CNNM3: variants seen among roughly 807,000 people sequenced by gnomAD.
CNNM3 encodes the protein metal transporter CNNM3.
Under a neutral mutation model 57.1 loss-of-function variants are expected in CNNM3, and 47 were observed. The ratio of observed to expected loss-of-function variants is 0.82; its 90% CI spans 0.65 to 1.05. CNNM3 has a LOEUF of 1.05. Among genes scored for constraint, CNNM3 ranks in the 50% least tolerant of loss-of-function variants. The pLI is 0.00. For synonymous variants in CNNM3, 507 were observed against 478.2 expected (o/e 1.06, Z -0.79); for missense variants, 957 against 973.7 (o/e 0.98, Z 0.23).
At position 96,819,322 on chromosome 2, in the gene CNNM3, A is replaced by AC. The variant is rs1182011518; in HGVS notation, c.1225+1820_1225+1821insC. On this transcript the variant is annotated intron_variant, in intron 1 of 7. Transcript: ENST00000305510. ...CCCTGGAATCAGCGGAGTAGGTTCC[A>AC]TCCTGCCCTTGCCTGCCCCCAGGCC... Among the ~76,000 whole-genome samples the AC allele has an allele frequency of 3.9e-5, 6 of 152,208 alleles. 1 individual carries two copies. The highest frequency in any genetic ancestry group is 7.3e-5 in the Non-Finnish European group (5 of 68,032).
In CNNM3 at chr2:96,817,233, C is replaced by T. The variant is rs1397202299; in HGVS notation, c.956C>T (p.Thr319Met). 8 of 1,605,330 alleles carry T rather than the reference C, an allele frequency of 5.0e-6. No individual in the cohort carries two copies. The highest frequency in any genetic ancestry group is 2.2e-5 in the East Asian group (1 of 44,752). Residue 319 changes from threonine to methionine, a missense_variant, in exon 1 of 8, where the codon ACG becomes ATG. By Grantham distance (81) the Thr-to-Met change is moderately conservative. Around this residue, in one of 2 missense-constraint regions of CNNM3, gnomAD observed 491 missense variants for 570.6 expected, o/e 0.86. Coordinates refer to ENST00000305510, the MANE Select transcript of CNNM3 (RefSeq NM_017623.5). The part of the protein sequence containing the change: ...LRCRTVEDVL[T>M]PLEDCFMLDA... ...TGCCGGACCGTGGAGGACGTGCTCACGCCCCTCGAAGACTGCTTCATGCTG... is the reference window on the plus strand; with the variant it reads ...TGCCGGACCGTGGAGGACGTGCTCATGCCCCTCGAAGACTGCTTCATGCTG...
At chr2:96,836,308 T>A (rs373124834), downstream of CNNM3, among the ~76,000 whole-genome samples, 9 of 150,768 alleles carry the variant, frequency 6.0e-5, no homozygotes, top group East Asian at 1.8e-3. Flanking sequence ...AATGGCGTGG[T>A]CTCGGCTCAC....
Position 96,835,216 on chromosome 2 carries a change from C to CT in CNNM3, c.*2601dup, listed in dbSNP as rs937665102. On this transcript the variant is annotated 3_prime_UTR_variant, in exon 8 of 8. Coordinates refer to ENST00000305510, the MANE Select transcript of CNNM3 (RefSeq NM_017623.5). ...AAGCATTCGGGATTGTCTTTTTTCA[C>CT]TCGGCGTCATTCTCGGGAGATCATC... Among the ~76,000 whole-genome samples, 3 of 152,130 alleles carry CT rather than the reference C, an allele frequency of 2.0e-5. No individual in the cohort carries two copies. The highest frequency in any genetic ancestry group is 7.2e-5 in the African/African-American group (3 of 41,434).
intron 1 of CNNM3, among the ~76,000 whole-genome samples, chr2:96,822,005 ATT>A (rs1201423556): frequency 4.2e-5 from 6 of 142,358 alleles, no homozygotes; most frequent in Non-Finnish European, 3.1e-5. Flanking sequence ...TATTATTATT[ATT>A]TTTTTTTTTT....
intron 2 of CNNM3, 109 bp downstream of exon 2, chr2:96,825,310 T>G: frequency 7.3e-7 from 1 of 1,365,522 alleles, no homozygotes; most frequent in Non-Finnish European, 9.9e-7. Flanking sequence ...CCCAGCAAGA[T>G]CCACAGCCAG....
At chr2:96,828,346 AG>A (rs2079545176) in intron 5 of CNNM3, 151 bp downstream of exon 5, 2 of 821,056 alleles carry the variant, frequency 2.4e-6, no homozygotes, top group African/African-American at 3.4e-5. Flanking sequence ...GGCTTCCAGG[AG>A]GGAGGGCAGC....
intron 3 of CNNM3, 48 bp from the exon 4 acceptor site, chr2:96,827,683 G>A: frequency 6.3e-7 from 1 of 1,575,916 alleles, no homozygotes; most frequent in Non-Finnish European, 8.7e-7. Flanking sequence ...TGGTTCCACT[G>A]GCCACTAGGC....
chr2:96,832,665 A>G lies in CNNM3; in HGVS notation c.*49A>G. 1 of 1,606,376 alleles carries G rather than the reference A, an allele frequency of 6.2e-7. No individual in the cohort carries two copies. The highest frequency in any genetic ancestry group is 1.1e-5 in the South Asian group (1 of 91,028). ...CTGGGGAACAGATGAGCACGTGGGG[A>G]GCTGGAGTGAGCTGAGCAGAAGTTT... On this transcript the variant is annotated 3_prime_UTR_variant, in exon 8 of 8. Transcript: ENST00000305510.
chr2:96,834,710 C>T lies in CNNM3; in HGVS notation c.*2094C>T, dbSNP rs769205951. 6.6e-6 allele frequency among the ~76,000 whole-genome samples: 1 copy of T among 152,150 alleles called. No homozygotes were observed. The highest frequency in any genetic ancestry group is 1.5e-5 in the Non-Finnish European group (1 of 68,034). ...CTAATGTTAACAGCTTACATATAAC[C>T]TTGGTACATTTATCAAAACTAAAGG... On this transcript the variant is annotated 3_prime_UTR_variant, in exon 8 of 8. Transcript: ENST00000305510.
At position 96,832,777 on chromosome 2, in the gene CNNM3, C is replaced by T; in HGVS notation, c.*161C>T. 6.6e-7 allele frequency: 1 copy of T among 1,505,452 alleles called. No individual in the cohort carries two copies. Among genetic ancestry groups the T allele is most frequent in the Non-Finnish European group, 8.9e-7 (1 of 1,129,712 alleles). The allele number at this position is 1,505,452 out of a possible 1,614,324, so 93.3% of individuals were successfully genotyped here. A position where few individuals can be genotyped will look rare whatever the true frequency, so the allele number is the denominator to read the frequency against. On this transcript the variant is annotated 3_prime_UTR_variant, in exon 8 of 8. Transcript: ENST00000305510. ...CCTGGGTGTCCTCAGAACTAGACAT[C>T]AATGCCTGGATCCTTCAGCCGGCCC...
In CNNM3 at chr2:96,834,423, C is replaced by T. The variant is rs2079657088; in HGVS notation, c.*1807C>T. On this transcript the variant is annotated 3_prime_UTR_variant, in exon 8 of 8. Transcript: ENST00000305510. Reference sequence around the variant, plus strand: ...GCAGTGGTGTGATCACGGCTTGCTGCAGCCTCGACCTCCCTGGTTCAGGCC... The same window carrying T: ...GCAGTGGTGTGATCACGGCTTGCTGTAGCCTCGACCTCCCTGGTTCAGGCC... Among the ~76,000 whole-genome samples, 1 of 151,838 alleles carries T rather than the reference C, an allele frequency of 6.6e-6. No individual in the cohort carries two copies. Among genetic ancestry groups the T allele is most frequent in the African/African-American group, 2.4e-5 (1 of 41,332 alleles).
At chr2:96,825,928 C>T (rs1174148304) in intron 2 of CNNM3, among the ~76,000 whole-genome samples, 3 of 152,172 alleles carry the variant, frequency 2.0e-5, no homozygotes, top group Admixed American at 2.0e-4. Flanking sequence ...GATCCCGTGC[C>T]CTTGATTGCA....
At position 96,826,827 on chromosome 2, in the gene CNNM3, T is replaced by C. The variant is rs1158737015; in HGVS notation, c.1370-6T>C. The stretch of plus-strand genomic sequence containing the variant: ...TGCCTGAGCGCGCCCTCTTCTTCCA[T>C]CTTAGGAGACACCGTGGTGAAGAGG... On this transcript the variant is annotated splice_region_variant and splice_polypyrimidine_tract_variant and intron_variant, in intron 2 of 7. Transcript: ENST00000305510. 6.2e-7 allele frequency: 1 copy of C among 1,614,088 alleles called. No individual in the cohort carries two copies. Among genetic ancestry groups the C allele is most frequent in the Admixed American group, 1.7e-5 (1 of 60,024 alleles).
chr2:96,836,525 G>A (rs1190965409), downstream of CNNM3: 1 of 152,080 alleles, frequency 6.6e-6, no homozygotes, highest in African/African-American at 2.4e-5. Flanking sequence ...ATAGGCATGA[G>A]CCACCATGCC....
intron 7 of CNNM3, among the ~76,000 whole-genome samples, chr2:96,829,713 G>T (rs1479216426): frequency 6.6e-6 from 1 of 151,868 alleles, no homozygotes; most frequent in Non-Finnish European, 1.5e-5. Flanking sequence ...GTAGAGTATA[G>T]TAAGTCGGTA....
intron 1 of CNNM3, among the ~76,000 whole-genome samples, chr2:96,822,983 C>T (rs1007952569): frequency 5.3e-5 from 8 of 152,130 alleles, no homozygotes; most frequent in Non-Finnish European, 1.0e-4. Context: ...TGTGGGCAGG[C>T]ATCAGTGTGA....
chr2:96,837,167 A>G (rs558709157), downstream of CNNM3: 3 of 152,270 alleles, frequency 2.0e-5, no homozygotes, highest in African/African-American at 7.2e-5. Flanking sequence ...CTCTCACTCT[A>G]TTCTTTTTCA....
At chr2:96,832,010 T>C in intron 7 of CNNM3, 1 of 986,454 alleles carries the variant, frequency 1.0e-6, no homozygotes, top group Non-Finnish European at 1.2e-6. Context: ...AGTTGGAAAC[T>C]GCAGTTGATA....
chr2:96,827,118 AG>A (rs1406943661), intron 3 of CNNM3, 136 bp downstream of exon 3: 17 of 933,240 alleles, frequency 1.8e-5, no homozygotes, highest in Admixed American at 5.5e-5. Flanking sequence ...TGTTCTCTGC[AG>A]CCCTGCCAGC....
Sources: gnomAD v4.1 joint callset for allele counts (sites outside exome capture counted in the v4.1 genomes callset) on GRCh38, gnomAD v4.1.1 for gene constraint, gnomAD v4.1.1 regional missense constraint, MANE v1.5 for transcripts, NCBI Gene and HGNC (gene_info 2026-07-23, HGNC 2026-07-21) for gene names.